The following TNKS variants were observed in gnomAD, a reference collection of about 807,000 sequenced individuals.
TNKS encodes poly [ADP-ribose] polymerase tankyrase-1.
Under a neutral mutation model 135.8 loss-of-function variants are expected in TNKS, and 72 were observed. That is an observed-to-expected ratio of 0.53 (90% CI 0.44 to 0.64). The LOEUF (loss-of-function observed/expected upper bound fraction) is 0.64. Ranked by LOEUF, TNKS falls within the 30% of genes least tolerant of loss-of-function variation. The pLI is 0.00. For missense variants in TNKS, 1,769 were observed against 1,674.0 expected (o/e 1.06, Z -0.99); for synonymous variants, 849 against 649.3 (o/e 1.31, Z -4.68).
chr8:9,640,968 C>A (rs1326845510), intron 3 of TNKS, among the ~76,000 whole-genome samples: 2 of 145,856 alleles, frequency 1.4e-5, no homozygotes, highest in Non-Finnish European at 3.0e-5. Flanking sequence ...CAATCCAGAA[C>A]AAACATCTAC....
At chr8:9,559,814 A>G (rs544224563) in intron 1 of TNKS, among the ~76,000 whole-genome samples, 6 of 152,238 alleles carry the variant, frequency 3.9e-5, no homozygotes, top group Non-Finnish European at 8.8e-5. Context: ...CAGCAGTAAA[A>G]TTAAGAATCC....
At chr8:9,698,169 A>G (rs1803606851) in intron 5 of TNKS, among the ~76,000 whole-genome samples, 1 of 152,164 alleles carries the variant, frequency 6.6e-6, no homozygotes, top group South Asian at 2.1e-4. Context: ...TACATATCAC[A>G]TGTTCTCACT....
At chr8:9,681,897 A>G (rs1802796351) in intron 5 of TNKS, among the ~76,000 whole-genome samples, 1 of 152,118 alleles carries the variant, frequency 6.6e-6, no homozygotes, top group South Asian at 2.1e-4. Context: ...TAGCTTATAT[A>G]TCGTTACATG....
chr8:9,661,934 C>G (rs980344521), intron 3 of TNKS, among the ~76,000 whole-genome samples: 10 of 152,154 alleles, frequency 6.6e-5, no homozygotes, highest in African/African-American at 2.2e-4. Flanking sequence ...AGGGTATGAA[C>G]AGACACTTCT....
intron 1 of TNKS, among the ~76,000 whole-genome samples, chr8:9,575,724 CAA>C: frequency 6.6e-6 from 1 of 152,172 alleles, no homozygotes; most frequent in Non-Finnish European, 1.5e-5. Context: ...AGAAAATGGC[CAA>C]GACAATGAAC....
chr8:9,680,051 T>G (rs1419248644), intron 4 of TNKS, 64 bp downstream of exon 4: 1 of 1,210,186 alleles, frequency 8.3e-7, no homozygotes, highest in African/African-American at 1.5e-5. Flanking sequence ...GGAGGGCAGG[T>G]GGAGGACTAT....
intron 26 of TNKS, among the ~76,000 whole-genome samples, chr8:9,771,246 G>GGAGGAAGGAAGT: frequency 7.6e-6 from 1 of 132,094 alleles, no homozygotes; most frequent in Non-Finnish European, 1.6e-5. Context: ...AGGAAAGGAG[G>GGAGGAAGGAAGT]GAGGGAGGAA....
At chr8:9,580,495 T>A in intron 2 of TNKS, 112 bp downstream of exon 2, 5 of 889,888 alleles carry the variant, frequency 5.6e-6, no homozygotes, top group Non-Finnish European at 8.4e-6. Flanking sequence ...TTGCTTCTTG[T>A]AGAAGCAGTT....
chr8:9,677,689 T>C (rs2128795971), intron 3 of TNKS, among the ~76,000 whole-genome samples: 1 of 152,342 alleles, frequency 6.6e-6, no homozygotes, highest in South Asian at 2.1e-4. Context: ...AAGTATACTT[T>C]GCACTACCCT....
intron 1 of TNKS, chr8:9,558,506 C>G (rs1172961610): frequency 6.6e-6 from 1 of 152,098 alleles, no homozygotes; most frequent in Non-Finnish European, 1.5e-5. Flanking sequence ...CAAATTGCGT[C>G]ACAAATCATG....
Position 9,776,801 on chromosome 8 carries a change from C to T in TNKS, c.*65C>T. 1.4e-6 allele frequency: 2 copies of T among 1,452,316 alleles called. No individual in the cohort carries two copies. Among genetic ancestry groups the T allele is most frequent in the Non-Finnish European group, 1.9e-6 (2 of 1,037,150 alleles). 90.0% of individuals were successfully genotyped at this position (1,452,316 alleles called of 1,614,324 possible). On this transcript the variant is annotated 3_prime_UTR_variant, in exon 27 of 27. Transcript: ENST00000310430. Reference sequence around the variant, plus strand: ...GGGACTGGATTACAGAGGATTGTTTCTAATAACAACATCAATATTCTAGAA... The same window carrying T: ...GGGACTGGATTACAGAGGATTGTTTTTAATAACAACATCAATATTCTAGAA...
At chr8:9,761,820 C>G (rs533288851) in intron 21 of TNKS, among the ~76,000 whole-genome samples, 184 bp downstream of exon 21, 1 of 152,268 alleles carries the variant, frequency 6.6e-6, no homozygotes, top group Admixed American at 6.5e-5. Flanking sequence ...CTGAGTCAGT[C>G]TTCCCTGTCT....
chr8:9,638,899 G>T (rs1044787013), intron 3 of TNKS, among the ~76,000 whole-genome samples: 4 of 152,082 alleles, frequency 2.6e-5, no homozygotes, highest in Non-Finnish European at 5.9e-5. Flanking sequence ...AAATGACAGG[G>T]CAAAAGAACC....
rs765090871 is a variant in TNKS, at chr8:9,709,951, A to C, written c.1579-4A>C. ...TTATTAACTTGGTTTTGTTTACTTTATAGCACTGTGCTGTGGCCTCTCTGC... is the reference window on the plus strand; with the variant it reads ...TTATTAACTTGGTTTTGTTTACTTTCTAGCACTGTGCTGTGGCCTCTCTGC... On this transcript the variant is annotated splice_polypyrimidine_tract_variant and splice_region_variant and intron_variant, in intron 9 of 26. Transcript: ENST00000310430. 1.9e-6 allele frequency: 3 copies of C among 1,612,518 alleles called. No homozygotes were observed. Among genetic ancestry groups the C allele is most frequent in the Non-Finnish European group, 2.5e-6 (3 of 1,179,262 alleles).
At chr8:9,598,765 G>GTATA (rs71201956) in intron 2 of TNKS, among the ~76,000 whole-genome samples, 238 of 49,368 alleles carry the variant, frequency 4.8e-3, no homozygotes, top group Middle Eastern at 0.015. Context: ...ATGTGTGTGT[G>GTATA]TATATATATA....
intron 13 of TNKS, among the ~76,000 whole-genome samples, chr8:9,728,282 A>G (rs1200226239): frequency 6.6e-6 from 1 of 152,226 alleles, no homozygotes; most frequent in Admixed American, 6.5e-5. Context: ...AGAAAGTAGT[A>G]GAACTGAGGT....
At chr8:9,725,469 CATAACT>C (rs1805118248) in intron 12 of TNKS, among the ~76,000 whole-genome samples, 1 of 152,134 alleles carries the variant, frequency 6.6e-6, no homozygotes, top group South Asian at 2.1e-4. Flanking sequence ...GAAGAATTGT[CATAACT>C]TATTCTGTAA....
chr8:9,717,101 A>ATATATATATATATATTTTTTTTTTTTTT (rs1454492300), intron 11 of TNKS, among the ~76,000 whole-genome samples: 1 of 119,336 alleles, frequency 8.4e-6, no homozygotes, highest in African/African-American at 2.9e-5. Flanking sequence ...ATATATATAT[A>ATATATATATATATATTTTTTTTTTTTTT]TTTTCAGGGA....
chr8:9,766,061 C>G (rs185576850), intron 24 of TNKS, among the ~76,000 whole-genome samples, 178 bp from the exon 25 acceptor site: 8 of 152,214 alleles, frequency 5.3e-5, no homozygotes, highest in African/African-American at 1.9e-4. Flanking sequence ...TAGTGAATTA[C>G]TTTTGTTGTA....
Sources: gnomAD v4.1 joint callset for allele counts (sites outside exome capture counted in the v4.1 genomes callset) on GRCh38, gnomAD v4.1.1 for gene constraint, MANE v1.5 for transcripts, NCBI Gene and HGNC (gene_info 2026-07-23, HGNC 2026-07-21) for gene names.